The following RALYL variants were observed in gnomAD, a reference collection of about 807,000 sequenced individuals.
The protein encoded by RALYL is RALY RNA binding protein like.
Under a neutral mutation model 35.1 loss-of-function variants are expected in RALYL, and 29 were observed. The ratio of observed to expected loss-of-function variants is 0.83; its 90% confidence interval spans 0.61 to 1.13. The LOEUF (loss-of-function observed/expected upper bound fraction) is 1.13. RALYL is among the 50% of genes most tolerant of loss of function. RALYL has a pLI of 0.00. For missense variants in RALYL, 359 were observed against 360.4 expected (o/e 1.00, Z 0.03); for synonymous variants, 120 against 127.6 (o/e 0.94, Z 0.40).
intron 8 of RALYL, among the ~76,000 whole-genome samples, chr8:84,904,074 A>G (rs1437452752): frequency 6.6e-6 from 1 of 152,200 alleles, no homozygotes; most frequent in East Asian, 1.9e-4. Flanking sequence ...TTATATTCTA[A>G]AACATATCCA....
At chr8:84,343,004 T>C (rs1849147056) in intron 1 of RALYL, among the ~76,000 whole-genome samples, 2 of 152,068 alleles carry the variant, frequency 1.3e-5, no homozygotes. Context: ...GACCATTTGG[T>C]AGGCAGCACA....
At chr8:84,869,403 A>T (rs1839779895) in intron 6 of RALYL, among the ~76,000 whole-genome samples, 1 of 152,142 alleles carries the variant, frequency 6.6e-6, no homozygotes, top group Non-Finnish European at 1.5e-5. Flanking sequence ...GGGGAAAATA[A>T]ATAACAAATT....
intron 2 of RALYL, among the ~76,000 whole-genome samples, chr8:84,707,338 A>T (rs1564408626): frequency 6.6e-6 from 1 of 152,106 alleles, no homozygotes; most frequent in Admixed American, 6.6e-5. Context: ...TTTTCTTGTG[A>T]TTTCCTCTTA....
chr8:84,248,700 G>C (rs1232719509), intron 1 of RALYL, among the ~76,000 whole-genome samples: 1 of 151,970 alleles, frequency 6.6e-6, no homozygotes, highest in East Asian at 1.9e-4. Flanking sequence ...TTTGGGTTGA[G>C]AATCTATCAT....
intron 1 of RALYL, among the ~76,000 whole-genome samples, chr8:84,438,926 T>C (rs1410717776): frequency 6.8e-6 from 1 of 146,508 alleles, no homozygotes; most frequent in Non-Finnish European, 1.5e-5. Flanking sequence ...TTCCCTATTA[T>C]GTTCCCTTGG....
chr8:84,809,262 C>T (rs1825363322), intron 4 of RALYL, among the ~76,000 whole-genome samples: 1 of 152,024 alleles, frequency 6.6e-6, no homozygotes, highest in Admixed American at 6.6e-5. Flanking sequence ...ATTTTTAATT[C>T]TATTTATGTG....
intron 3 of RALYL, among the ~76,000 whole-genome samples, chr8:84,788,788 G>A (rs961129386): frequency 6.6e-6 from 1 of 152,156 alleles, no homozygotes; most frequent in Non-Finnish European, 1.5e-5. Flanking sequence ...GCAGAGCGAA[G>A]GGCAAGGAGC....
At chr8:84,454,651 G>A (rs574564927) in intron 1 of RALYL, among the ~76,000 whole-genome samples, 19 of 152,082 alleles carry the variant, frequency 1.2e-4, no homozygotes, top group Middle Eastern at 6.8e-3. Flanking sequence ...CTTGGCATTC[G>A]CCTTCGCATC....
At chr8:84,202,858 T>C (rs1212221777) in intron 1 of RALYL, among the ~76,000 whole-genome samples, 2 of 152,202 alleles carry the variant, frequency 1.3e-5, no homozygotes, top group Non-Finnish European at 2.9e-5. Flanking sequence ...ACTATAATGA[T>C]TTCTTAATAT....
chr8:84,383,620 T>G (rs1419381643), intron 1 of RALYL, among the ~76,000 whole-genome samples: 2 of 151,580 alleles, frequency 1.3e-5, no homozygotes, highest in African/African-American at 4.8e-5. Flanking sequence ...AAGAAAAGAT[T>G]GCACCCAGTG....
rs62528218 is a variant in RALYL at position 84,526,952 on chromosome 8, G to T, written c.-23-2347G>T. On this transcript the variant is annotated intron_variant, in intron 1 of 8. Transcript: ENST00000521268. ...TTTTCTATTTCTTTGAGTCAGGAGG[G>T]TTAATTTAGTCACTGTTACTCCATC... Among the ~76,000 whole-genome samples, 133 of 152,256 alleles carry T rather than the reference G, an allele frequency of 8.7e-4. 2 individuals are homozygous for T. The highest frequency in any genetic ancestry group is 1.5e-3 in the Non-Finnish European group (104 of 68,014).
intron 1 of RALYL, among the ~76,000 whole-genome samples, chr8:84,237,973 TC>T (rs144082073): frequency 0.11 from 15,137 of 142,086 alleles, 1,046 homozygotes; most frequent in African/African-American, 0.21. Flanking sequence ...AAAATATGAA[TC>T]TAAAAAAAAG....
intron 2 of RALYL, among the ~76,000 whole-genome samples, chr8:84,622,893 G>A (rs1025654181): frequency 3.3e-5 from 5 of 152,110 alleles, no homozygotes; most frequent in Non-Finnish European, 7.4e-5. Flanking sequence ...AATAGTAAAT[G>A]TATTTATTAT....
At chr8:84,631,018 A>C (rs989645950) in intron 2 of RALYL, among the ~76,000 whole-genome samples, 2 of 152,028 alleles carry the variant, frequency 1.3e-5, no homozygotes, top group African/African-American at 4.8e-5. Context: ...ACCAGGTAAA[A>C]ATTCTAGAAG....
chr8:84,492,097 A>G (rs2055379882), intron 1 of RALYL, among the ~76,000 whole-genome samples: 1 of 152,022 alleles, frequency 6.6e-6, no homozygotes. Context: ...CAGTCTTCTA[A>G]TGTTTCCACT....
intron 1 of RALYL, among the ~76,000 whole-genome samples, chr8:84,518,949 T>A (rs762334297): frequency 1.3e-5 from 2 of 152,196 alleles, no homozygotes; most frequent in Non-Finnish European, 2.9e-5. Context: ...TAGCTCTTTG[T>A]GACAGAGAGT....
At chr8:84,346,680 G>C (rs1411404319) in intron 1 of RALYL, among the ~76,000 whole-genome samples, 2 of 152,022 alleles carry the variant, frequency 1.3e-5, no homozygotes, top group Non-Finnish European at 2.9e-5. Context: ...TGTTGGCCAG[G>C]CTGGTCTCAA....
chr8:84,184,104 G>T lies in RALYL; in HGVS notation c.-344G>T, dbSNP rs776879624. 2.0e-5 allele frequency: 3 copies of T among 151,786 alleles called. No homozygotes were observed. Among genetic ancestry groups the T allele is most frequent in the Non-Finnish European group, 2.9e-5 (2 of 67,954 alleles). The allele number at this position is 151,786 out of a possible 1,614,324, so 9.4% of individuals were successfully genotyped here. On this transcript the variant is annotated 5_prime_UTR_variant, in exon 1 of 9. Coordinates refer to ENST00000521268, the MANE Select transcript of RALYL (RefSeq NM_173848.7). The stretch of plus-strand genomic sequence containing the variant: ...AACAAATTCGTTTTTTTTCCCTCCT[G>T]TTTTTGATACCCATTGATAACATGA...
chr8:84,823,002 CTCATAGTGGAT>C (rs1200881241), intron 4 of RALYL, among the ~76,000 whole-genome samples: 2 of 152,078 alleles, frequency 1.3e-5, no homozygotes, highest in African/African-American at 4.8e-5. Flanking sequence ...GCTGCTTCAT[CTCATAGTGGAT>C]TCAGTAAAGC....
Sources: allele counts gnomAD v4.1 joint callset (sites outside exome capture counted in the v4.1 genomes callset), GRCh38; gene constraint gnomAD v4.1.1; transcripts MANE v1.5; gene names NCBI Gene and HGNC (gene_info 2026-07-23, HGNC 2026-07-21).